Variants in GRID2 observed in about 807,000 individuals in gnomAD.
GRID2 encodes the protein glutamate receptor ionotropic, delta-2.
Under a neutral mutation model 114.8 loss-of-function variants are expected in GRID2, and 33 were observed. That is an observed-to-expected ratio of 0.29 (90% CI 0.22 to 0.38). The LOEUF (loss-of-function observed/expected upper bound fraction) is 0.38. GRID2 is among the 10% of genes least tolerant of loss of function. The pLI is 1.00. For synonymous variants in GRID2, 505 were observed against 449.9 expected (o/e 1.12, Z -1.55); for missense variants, 1,184 against 1,257.7 (o/e 0.94, Z 0.89).
chr4:93,181,485 C>T (rs571079542), intron 4 of GRID2, among the ~76,000 whole-genome samples: 5 of 152,240 alleles, frequency 3.3e-5, no homozygotes, highest in Admixed American at 6.5e-5. Context: ...GATGGTCAGC[C>T]GTCCTTCGAA....
intron 1 of GRID2, among the ~76,000 whole-genome samples, chr4:92,482,213 G>A (rs889145950): frequency 1.2e-4 from 18 of 151,298 alleles, no homozygotes; most frequent in Non-Finnish European, 2.5e-4. Flanking sequence ...AATAACACAG[G>A]AATAGAAAAC....
intron 2 of GRID2, among the ~76,000 whole-genome samples, chr4:92,757,879 G>T (rs1436415952): frequency 6.6e-6 from 1 of 151,828 alleles, no homozygotes; most frequent in Non-Finnish European, 1.5e-5. Context: ...ATTGGATTTA[G>T]TAAGATACAC....
chr4:92,944,104 A>G (rs537546264), intron 2 of GRID2, among the ~76,000 whole-genome samples: 3 of 152,272 alleles, frequency 2.0e-5, no homozygotes, highest in African/African-American at 7.2e-5. Flanking sequence ...TACTCTCTTC[A>G]AAGCTGTCAG....
intron 14 of GRID2, among the ~76,000 whole-genome samples, chr4:93,629,353 C>T (rs1743037286): frequency 6.6e-6 from 1 of 152,154 alleles, no homozygotes; most frequent in Admixed American, 6.5e-5. Flanking sequence ...ATTCCCTGGA[C>T]ATATGGAGAA....
intron 1 of GRID2, among the ~76,000 whole-genome samples, chr4:92,347,824 A>G (rs1269825602): frequency 3.3e-5 from 5 of 152,214 alleles, no homozygotes; most frequent in Admixed American, 2.6e-4. Flanking sequence ...GACACCTTTC[A>G]TACATTAGTG....
At chr4:93,628,763 C>A (rs1742965473) in intron 14 of GRID2, among the ~76,000 whole-genome samples, 1 of 133,014 alleles carries the variant, frequency 7.5e-6, no homozygotes, top group South Asian at 2.4e-4. Context: ...ACTTGATTTT[C>A]TGGCTTTTTT....
At chr4:93,712,065 G>GTA (rs1490173056) in intron 14 of GRID2, among the ~76,000 whole-genome samples, 2 of 151,872 alleles carry the variant, frequency 1.3e-5, no homozygotes, top group African/African-American at 4.8e-5. Context: ...GTTTTCATGT[G>GTA]TTACAAATAT....
chr4:92,959,345 G>A (rs1752638042), intron 2 of GRID2, among the ~76,000 whole-genome samples: 1 of 151,580 alleles, frequency 6.6e-6, no homozygotes, highest in Non-Finnish European at 1.5e-5. Context: ...ATCCCTGTAA[G>A]CACTGCTTTC....
intron 14 of GRID2, among the ~76,000 whole-genome samples, chr4:93,698,437 A>G (rs1318482873): frequency 6.6e-6 from 1 of 152,054 alleles, no homozygotes; most frequent in Non-Finnish European, 1.5e-5. Context: ...TTCTTTTTAT[A>G]AGTACATGAA....
intron 2 of GRID2, among the ~76,000 whole-genome samples, chr4:92,841,010 T>C (rs1742852268): frequency 6.6e-6 from 1 of 152,030 alleles, no homozygotes; most frequent in Non-Finnish European, 1.5e-5. Flanking sequence ...TCCCAACTTA[T>C]CTTGATTCCA....
At chr4:93,362,311 G>A (rs1417537965) in intron 8 of GRID2, among the ~76,000 whole-genome samples, 1 of 152,014 alleles carries the variant, frequency 6.6e-6, no homozygotes, top group East Asian at 1.9e-4. Flanking sequence ...TGGGTGTGTG[G>A]GGAGTTGTTG....
chr4:93,367,648 T>C (rs1032205768), intron 8 of GRID2, among the ~76,000 whole-genome samples: 1 of 151,980 alleles, frequency 6.6e-6, no homozygotes, highest in African/African-American at 2.4e-5. Context: ...CAGAGTGGAG[T>C]AGACATAATG....
At chr4:92,996,500 G>T (rs890437709) in intron 2 of GRID2, among the ~76,000 whole-genome samples, 1 of 152,104 alleles carries the variant, frequency 6.6e-6, no homozygotes, top group East Asian at 1.9e-4. Flanking sequence ...GTCTGGGTCT[G>T]TAACATGGGG....
intron 12 of GRID2, among the ~76,000 whole-genome samples, chr4:93,514,400 A>G (rs1316253354): frequency 6.9e-6 from 1 of 145,484 alleles, no homozygotes. Context: ...CCAAATAGAA[A>G]TCGCTCCCCC....
intron 2 of GRID2, among the ~76,000 whole-genome samples, chr4:93,039,621 T>C (rs1725294963): frequency 6.6e-6 from 1 of 152,080 alleles, no homozygotes. Context: ...CAGTTATATC[T>C]AACAGAGGGC....
intron 8 of GRID2, chr4:93,302,517 T>C (rs1343442102): frequency 2.2e-6 from 1 of 453,412 alleles, no homozygotes. Context: ...TGTTTTCCAC[T>C]TATAATGTTT....
intron 2 of GRID2, among the ~76,000 whole-genome samples, chr4:92,943,618 G>T (rs1419057775): frequency 6.6e-6 from 1 of 152,152 alleles, no homozygotes; most frequent in Non-Finnish European, 1.5e-5. Flanking sequence ...TCCATTGCTG[G>T]TGAGGAGCTG....
chr4:93,249,913 C>T (rs568068633), intron 8 of GRID2, among the ~76,000 whole-genome samples: 4 of 152,208 alleles, frequency 2.6e-5, no homozygotes, highest in Admixed American at 2.6e-4. Flanking sequence ...TAAATTAGTT[C>T]AACCATTCTG....
At chr4:93,193,871 T>G (rs1233945281) in intron 4 of GRID2, among the ~76,000 whole-genome samples, 1 of 152,196 alleles carries the variant, frequency 6.6e-6, no homozygotes, top group Non-Finnish European at 1.5e-5. Context: ...GCCACAATTG[T>G]ACCTCACAGC....
Sources: allele counts gnomAD v4.1 joint callset (sites outside exome capture counted in the v4.1 genomes callset), GRCh38; gene constraint gnomAD v4.1.1; transcripts MANE v1.5; gene names NCBI Gene and HGNC (gene_info 2026-07-23, HGNC 2026-07-21).